ST6GALNAC5: variants seen among roughly 807,000 people sequenced by gnomAD.
ST6GALNAC5 encodes ST6 N-acetylgalactosaminide alpha-2,6-sialyltransferase 5.
ST6GALNAC5 carries 27 observed loss-of-function variants against 33.6 expected under a neutral mutation model. The ratio of observed to expected loss-of-function variants is 0.80; its 90% confidence interval spans 0.59 to 1.11. The LOEUF (loss-of-function observed/expected upper bound fraction) is 1.11. Ranked by LOEUF, ST6GALNAC5 falls within the 50% of genes least tolerant of loss-of-function variation. ST6GALNAC5 has a pLI of 0.00. For synonymous variants in ST6GALNAC5, 194 were observed against 171.2 expected (o/e 1.13, Z -1.04); for missense variants, 428 against 454.0 (o/e 0.94, Z 0.52).
chr1:76,973,585 T>G (rs943978263), intron 2 of ST6GALNAC5, among the ~76,000 whole-genome samples: 1 of 152,148 alleles, frequency 6.6e-6, no homozygotes, highest in Non-Finnish European at 1.5e-5. Context: ...ATCTGAGGAC[T>G]GTGACCCAGT....
chr1:77,000,761 T>C (rs978479871), intron 2 of ST6GALNAC5, among the ~76,000 whole-genome samples: 2 of 151,582 alleles, frequency 1.3e-5, no homozygotes, highest in Non-Finnish European at 2.9e-5. Flanking sequence ...CCTTTCCCCA[T>C]TGCTTGTTTT....
intron 2 of ST6GALNAC5, among the ~76,000 whole-genome samples, chr1:76,874,324 C>T (rs1653577535): frequency 6.6e-6 from 1 of 152,104 alleles, no homozygotes; most frequent in Non-Finnish European, 1.5e-5. Flanking sequence ...TTAAGTTAAA[C>T]CTTCTTGAAT....
At chr1:76,944,001 T>C (rs1386379301) in intron 2 of ST6GALNAC5, among the ~76,000 whole-genome samples, 1 of 152,094 alleles carries the variant, frequency 6.6e-6, no homozygotes, top group Non-Finnish European at 1.5e-5. Context: ...AGGTAATTTA[T>C]CTAGTGATCA....
At chr1:76,965,123 A>G (rs1250327851) in intron 2 of ST6GALNAC5, among the ~76,000 whole-genome samples, 2 of 152,212 alleles carry the variant, frequency 1.3e-5, no homozygotes, top group African/African-American at 4.8e-5. Context: ...GTATATACCC[A>G]GTAATAGGAT....
Position 76,868,348 on chromosome 1 carries a change from C to T in ST6GALNAC5, c.16-149C>T. On this transcript the variant is annotated intron_variant, in intron 1 of 4. Coordinates refer to ENST00000477717, the MANE Select transcript of ST6GALNAC5 (RefSeq NM_030965.3). The surrounding 1 kb of genome is among the most constrained non-coding windows in gnomAD (Gnocchi z 4.3). ...GATACGCTAGGGGACGGTGCTTTCT[C>T]TGTCCCAGTTGCGTGCGGCGGGGCT... is the stretch of plus-strand genomic sequence containing the variant. 8.0e-7 allele frequency: 1 copy of T among 1,247,554 alleles called. No individual in the cohort carries two copies. The allele number at this position is 1,247,554 out of a possible 1,614,324, so 77.3% of individuals were successfully genotyped here. A position where few individuals can be genotyped will look rare whatever the true frequency, so the allele number is the denominator to read the frequency against.
In ST6GALNAC5 at chr1:76,909,099, G is replaced by A. The variant is rs945172173; in HGVS notation, c.261+40357G>A. On this transcript the variant is annotated intron_variant, in intron 2 of 4. Coordinates refer to ENST00000477717, the MANE Select transcript of ST6GALNAC5 (RefSeq NM_030965.3). ...TAAAAACTCTTCAGGCCCTTCTCTC[G>A]GCACTTTTCATTTTATGTTGAAATT... Among the ~76,000 whole-genome samples, 4 of 151,936 alleles carry A rather than the reference G, an allele frequency of 2.6e-5. No homozygotes were observed. The East Asian group carries it at 5.8e-4, about 22-fold the overall frequency.
chr1:77,060,625 T>C (rs1157981065), intron 4 of ST6GALNAC5, among the ~76,000 whole-genome samples: 1 of 152,140 alleles, frequency 6.6e-6, no homozygotes, highest in Non-Finnish European at 1.5e-5. Flanking sequence ...TCTTGACACC[T>C]CTGAAATCAC....
intron 2 of ST6GALNAC5, among the ~76,000 whole-genome samples, chr1:76,968,072 G>T (rs150011696): frequency 2.4e-4 from 36 of 152,290 alleles, no homozygotes; most frequent in African/African-American, 8.2e-4. Context: ...ATTTGGGGTG[G>T]AGAGTTCTGT....
intron 2 of ST6GALNAC5, among the ~76,000 whole-genome samples, chr1:76,929,030 CA>C (rs1041095812): frequency 6.6e-6 from 1 of 152,158 alleles, no homozygotes; most frequent in African/African-American, 2.4e-5. Context: ...CAGCTTCCTT[CA>C]AGCCTTACTT....
intron 2 of ST6GALNAC5, among the ~76,000 whole-genome samples, chr1:77,005,030 C>G (rs1015953528): frequency 6.6e-6 from 1 of 151,406 alleles, no homozygotes; most frequent in African/African-American, 2.4e-5. Context: ...CCAGTTCGAG[C>G]TTCCTGGCTG....
At chr1:76,936,953 G>GGCATGTGT (rs138095164) in intron 2 of ST6GALNAC5, among the ~76,000 whole-genome samples, 1 of 139,946 alleles carries the variant, frequency 7.1e-6, no homozygotes, top group East Asian at 2.1e-4. Context: ...AGAGAAGCAG[G>GGCATGTGT]GTGTGTGTGT....
chr1:77,062,050 C>A (rs771105529), intron 4 of ST6GALNAC5, among the ~76,000 whole-genome samples: 2 of 152,126 alleles, frequency 1.3e-5, no homozygotes, highest in Non-Finnish European at 2.9e-5. Context: ...CATCAACTTT[C>A]CAAACTCAGA....
intron 2 of ST6GALNAC5, among the ~76,000 whole-genome samples, chr1:76,998,255 G>C (rs1034444596): frequency 1.2e-4 from 18 of 152,092 alleles, no homozygotes; most frequent in African/African-American, 4.1e-4. Flanking sequence ...AAATTAGCCA[G>C]ACATGATGGC....
At chr1:77,062,157 T>A (rs1388367895) in intron 4 of ST6GALNAC5, among the ~76,000 whole-genome samples, 1 of 152,218 alleles carries the variant, frequency 6.6e-6, no homozygotes, top group Non-Finnish European at 1.5e-5. Context: ...ACATAATTTT[T>A]AAAATTATTT....
intron 2 of ST6GALNAC5, among the ~76,000 whole-genome samples, chr1:76,887,248 A>G (rs1653917701): frequency 6.6e-6 from 1 of 152,232 alleles, no homozygotes; most frequent in Admixed American, 6.5e-5. Flanking sequence ...AAAAATATAG[A>G]AAAAATAAGA....
intron 2 of ST6GALNAC5, among the ~76,000 whole-genome samples, chr1:77,026,943 G>A (rs1022266148): frequency 8.5e-5 from 13 of 152,214 alleles, no homozygotes; most frequent in South Asian, 2.1e-4. Flanking sequence ...CAGGCACTGC[G>A]CACAGTGGTT....
intron 2 of ST6GALNAC5, among the ~76,000 whole-genome samples, chr1:77,004,491 C>G (rs1436001365): frequency 7.0e-6 from 1 of 143,400 alleles, no homozygotes; most frequent in Non-Finnish European, 1.6e-5. Flanking sequence ...TCTCTCAGCT[C>G]GTCAAAGTCA....
intron 2 of ST6GALNAC5, among the ~76,000 whole-genome samples, chr1:76,979,128 A>C (rs1012264634): frequency 2.6e-5 from 4 of 152,000 alleles, no homozygotes; most frequent in Non-Finnish European, 4.4e-5. Context: ...ATAAGACACA[A>C]AAAAAATGGA....
At chr1:76,882,264 A>G (rs1378405745) in intron 2 of ST6GALNAC5, among the ~76,000 whole-genome samples, 1 of 152,164 alleles carries the variant, frequency 6.6e-6, no homozygotes, top group Non-Finnish European at 1.5e-5. Context: ...CCTTTAAAAC[A>G]TAAACCAAGC....
Sources: allele counts gnomAD v4.1 joint callset (sites outside exome capture counted in the v4.1 genomes callset), GRCh38; gene constraint gnomAD v4.1.1; non-coding constraint Gnocchi (gnomAD v3.1); transcripts MANE v1.5; gene names NCBI Gene and HGNC (gene_info 2026-07-23, HGNC 2026-07-21).